The following MBP variants were observed in gnomAD, a reference collection of about 807,000 sequenced individuals.
MBP encodes myelin basic protein, also known as Golli-MBP.
Under a neutral mutation model 35.8 loss-of-function variants are expected in MBP, and 16 were observed. The ratio of observed to expected loss-of-function variants is 0.45; its 90% CI spans 0.30 to 0.68. MBP has a LOEUF of 0.68. Among genes scored for constraint, MBP ranks in the 30% least tolerant of loss-of-function variants. MBP has a pLI of 0.08. For synonymous variants in MBP, 143 were observed against 159.6 expected (o/e 0.90, Z 0.78); for missense variants, 380 against 404.7 (o/e 0.94, Z 0.52).
intron 3 of MBP, among the ~76,000 whole-genome samples, chr18:77,050,992 G>T (rs1973466216): frequency 6.6e-6 from 1 of 151,994 alleles, no homozygotes. Context: ...GGTGTTTTTG[G>T]TTATTAATGA....
chr18:77,099,729 C>T (rs367748896), intron 2 of MBP, among the ~76,000 whole-genome samples: 23 of 152,344 alleles, frequency 1.5e-4, no homozygotes, highest in South Asian at 8.3e-4. Context: ...GGGAGGGCTG[C>T]GCAAAGCCAT....
intron 8 of MBP, chr18:76,982,147 A>G (rs1969241161): frequency 6.6e-6 from 1 of 152,236 alleles, no homozygotes; most frequent in South Asian, 2.1e-4. Flanking sequence ...CACCTCCTGG[A>G]GTAGGTGTTC....
chr18:77,130,311 T>C (rs1296143644), intron 1 of MBP, among the ~76,000 whole-genome samples: 2 of 151,176 alleles, frequency 1.3e-5, no homozygotes, highest in Non-Finnish European at 3.0e-5. Flanking sequence ...AGTCAGGCGC[T>C]GGTGCAGACT....
chr18:76,989,898 G>T lies in MBP; in HGVS notation c.681+58C>A. 5 of 1,436,394 alleles carry T rather than the reference G, an allele frequency of 3.5e-6. No individual in the cohort carries two copies. Among genetic ancestry groups the T allele is most frequent in the South Asian group, 1.1e-5 (1 of 87,252 alleles). The allele number at this position is 1,436,394 out of a possible 1,614,324, so 89.0% of individuals were successfully genotyped here. ...AACGTCCTGTGTGGATGACAGCAGT[G>T]GCCAGCACCCCTCCTCCCCCTCACA... On this transcript the variant is annotated intron_variant, in intron 5 of 8. Transcript: ENST00000355994. This position sits in a 1 kb window ranked among gnomAD's most constrained non-coding sequence, Gnocchi z 4.0.
intron 1 of MBP, among the ~76,000 whole-genome samples, chr18:77,124,476 C>T (rs765597422): frequency 6.7e-6 from 1 of 150,160 alleles, no homozygotes; most frequent in Non-Finnish European, 1.5e-5. Flanking sequence ...TCTTGGGGCT[C>T]AGTAGCTGCT....
At chr18:77,110,931 T>G (rs984440138) in intron 1 of MBP, among the ~76,000 whole-genome samples, 3 of 152,214 alleles carry the variant, frequency 2.0e-5, no homozygotes, top group Admixed American at 6.5e-5. Context: ...CATCTTTTTC[T>G]GCTTTCTCTG....
intron 3 of MBP, 118 bp from the exon 4 acceptor site, chr18:77,017,386 A>C (rs1971711812): frequency 6.5e-6 from 6 of 917,998 alleles, no homozygotes; most frequent in Non-Finnish European, 9.0e-6. Flanking sequence ...GAATATGTGC[A>C]GTCCTCATAA....
intron 7 of MBP, chr18:76,986,815 C>G: frequency 1.0e-6 from 1 of 985,438 alleles, no homozygotes; most frequent in Non-Finnish European, 1.2e-6. Flanking sequence ...AGAGCTAAAT[C>G]CGGGGATTGA....
chr18:77,090,244 G>C (rs1476968643), intron 2 of MBP, among the ~76,000 whole-genome samples: 1 of 152,196 alleles, frequency 6.6e-6, no homozygotes, highest in African/African-American at 2.4e-5. Flanking sequence ...TCAAAACAAA[G>C]TCGCAACTCT....
intron 3 of MBP, among the ~76,000 whole-genome samples, chr18:77,038,215 G>A (rs567947376): frequency 1.3e-5 from 2 of 152,300 alleles, no homozygotes; most frequent in East Asian, 3.9e-4. Flanking sequence ...CAAGGGATGG[G>A]GAACAACAGT....
chr18:77,011,423 T>C (rs1971341472), intron 4 of MBP, among the ~76,000 whole-genome samples: 1 of 152,198 alleles, frequency 6.6e-6, no homozygotes, highest in Non-Finnish European at 1.5e-5. Flanking sequence ...CAATGGCTCT[T>C]CTTCACAAAG....
intron 3 of MBP, among the ~76,000 whole-genome samples, chr18:77,059,384 C>T (rs1484057183): frequency 6.6e-6 from 1 of 151,378 alleles, no homozygotes; most frequent in Non-Finnish European, 1.5e-5. Flanking sequence ...TCAATTAATC[C>T]CATTAATTAA....
At chr18:77,114,753 A>G (rs1377752360) in intron 1 of MBP, 1 of 152,262 alleles carries the variant, frequency 6.6e-6, no homozygotes, top group African/African-American at 2.4e-5. Context: ...CTTCGCAGTC[A>G]TGTGGGGCTT....
At chr18:77,066,848 C>G (rs964197999) in intron 2 of MBP, among the ~76,000 whole-genome samples, 6 of 152,208 alleles carry the variant, frequency 3.9e-5, no homozygotes, top group African/African-American at 1.4e-4. Flanking sequence ...GAAAACGAAG[C>G]TGATGTCCGG....
At chr18:77,063,556 G>C (rs1055712272) in intron 3 of MBP, among the ~76,000 whole-genome samples, 1 of 152,216 alleles carries the variant, frequency 6.6e-6, no homozygotes, top group African/African-American at 2.4e-5. Flanking sequence ...GAATGTGGGA[G>C]CTAAGTTCAT....
At chr18:76,994,130 A>G (rs1970134642) in intron 4 of MBP, among the ~76,000 whole-genome samples, 1 of 152,194 alleles carries the variant, frequency 6.6e-6, no homozygotes, top group African/African-American at 2.4e-5. Flanking sequence ...AATGGAAGAG[A>G]CGGGAAACTC....
At chr18:77,066,471 A>T (rs886631210) in intron 2 of MBP, 86 bp from the exon 3 acceptor site, 4 of 898,286 alleles carry the variant, frequency 4.5e-6, no homozygotes, top group Non-Finnish European at 5.6e-6. Context: ...TCTCTTTATA[A>T]ATTTTTTATC....
At chr18:77,090,903 C>T (rs1201911900) in intron 2 of MBP, among the ~76,000 whole-genome samples, 4 of 152,158 alleles carry the variant, frequency 2.6e-5, no homozygotes, top group South Asian at 2.1e-4. Flanking sequence ...GGACCAGGGC[C>T]GGACGGGGCA....
At chr18:77,066,652 G>A in intron 2 of MBP, 1 of 666,588 alleles carries the variant, frequency 1.5e-6, no homozygotes, top group Non-Finnish European at 2.8e-6. Context: ...TATCAGCCTA[G>A]GTAAAATAAA....
Sources: gnomAD v4.1 joint callset for allele counts (sites outside exome capture counted in the v4.1 genomes callset) on GRCh38, gnomAD v4.1.1 for gene constraint, Gnocchi (gnomAD v3.1) non-coding constraint, MANE v1.5 for transcripts, NCBI Gene and HGNC (gene_info 2026-07-23, HGNC 2026-07-21) for gene names.